Variants in LRP1B observed in about 807,000 individuals in gnomAD.
LRP1B encodes the protein low-density lipoprotein receptor-related protein 1B.
A neutral mutation model predicts 556.6 loss-of-function variants in LRP1B; 217 were observed. That is an observed-to-expected ratio of 0.39 (90% CI 0.35 to 0.44). LRP1B has a LOEUF of 0.44. LRP1B is among the 20% of genes least tolerant of loss of function. LRP1B has a pLI of 1.00. For missense variants in LRP1B, 5,053 were observed against 5,620.8 expected (o/e 0.90, Z 3.23); for synonymous variants, 2,047 against 1,865.8 (o/e 1.10, Z -2.50).
At chr2:141,750,345 G>T (rs1339088139) in intron 2 of LRP1B, among the ~76,000 whole-genome samples, 4 of 152,034 alleles carry the variant, frequency 2.6e-5, no homozygotes, top group Non-Finnish European at 5.9e-5. Flanking sequence ...TAAGTTTCAG[G>T]TGACATCAGC....
intron 9 of LRP1B, among the ~76,000 whole-genome samples, 189 bp downstream of exon 9, chr2:141,058,694 G>T (rs1167798057): frequency 6.6e-6 from 1 of 151,788 alleles, no homozygotes; most frequent in Non-Finnish European, 1.5e-5. Context: ...CGATTCACTA[G>T]AAACTGAACA....
chr2:140,338,367 CTG>C (rs910623388), intron 77 of LRP1B, among the ~76,000 whole-genome samples: 6 of 151,572 alleles, frequency 4.0e-5, no homozygotes, highest in Non-Finnish European at 8.8e-5. Flanking sequence ...ATTTTCAACA[CTG>C]AAGAGAGAAT....
At chr2:141,082,442 T>G (rs1464206463) in intron 7 of LRP1B, among the ~76,000 whole-genome samples, 5 of 152,236 alleles carry the variant, frequency 3.3e-5, no homozygotes, top group Non-Finnish European at 1.5e-5. Flanking sequence ...ACCTGGTTTG[T>G]GAAGACTATG....
At chr2:141,796,774 T>C (rs1695827090) in intron 2 of LRP1B, among the ~76,000 whole-genome samples, 3 of 151,924 alleles carry the variant, frequency 2.0e-5, no homozygotes, top group Admixed American at 2.0e-4. Flanking sequence ...TTTCTTTCAC[T>C]ACCATCAAAG....
intron 86 of LRP1B, among the ~76,000 whole-genome samples, chr2:140,264,132 G>A (rs116330458): frequency 6.6e-6 from 1 of 152,110 alleles, no homozygotes; most frequent in African/African-American, 2.4e-5. Flanking sequence ...CAATGTGTCT[G>A]ATACTTCCCT....
intron 2 of LRP1B, among the ~76,000 whole-genome samples, chr2:141,701,920 C>A (rs947321483): frequency 1.3e-5 from 2 of 151,776 alleles, no homozygotes; most frequent in African/African-American, 4.8e-5. Flanking sequence ...ATGTGATTGT[C>A]CCAATCCTCT....
At chr2:141,592,674 A>G (rs956966558) in intron 2 of LRP1B, among the ~76,000 whole-genome samples, 1 of 152,166 alleles carries the variant, frequency 6.6e-6, no homozygotes, top group Non-Finnish European at 1.5e-5. Context: ...TGTGGAGAAA[A>G]GACTCATTAA....
chr2:141,517,267 C>CACACACACACACATACACACACACACAT (rs1212273295), intron 2 of LRP1B, among the ~76,000 whole-genome samples: 1 of 151,142 alleles, frequency 6.6e-6, no homozygotes, highest in Non-Finnish European at 1.5e-5. Flanking sequence ...AATACGCACA[C>CACACACACACACATACACACACACACAT]ACACAGACAC....
rs1021425995 is a variant in LRP1B at position 140,231,507 on chromosome 2, A to C, written c.*1679T>G. The C allele has an allele frequency of 1.3e-5, 2 of 151,806 alleles. No homozygotes were observed. Among genetic ancestry groups the C allele is most frequent in the African/African-American group, 4.8e-5 (2 of 41,344 alleles). The allele number at this position is 151,806 out of a possible 1,614,324, so 9.4% of individuals were successfully genotyped here. ...CACTTCATTGTAGAAACATAGGCAA[A>C]ATGACTATATTATAACCAAAATGAA... On this transcript the variant is annotated 3_prime_UTR_variant, in exon 91 of 91. Coordinates refer to ENST00000389484, the MANE Select transcript of LRP1B (RefSeq NM_018557.3).
intron 2 of LRP1B, among the ~76,000 whole-genome samples, chr2:141,678,416 T>C (rs1181030014): frequency 2.0e-5 from 3 of 152,138 alleles, no homozygotes; most frequent in Non-Finnish European, 4.4e-5. Context: ...AAAAAAAATG[T>C]ATGTTTTAAT....
rs769621000 is a variant in LRP1B at position 141,772,971 on chromosome 2, TC to T, written c.205+37307del. ...TCCTCCTCTTTTGTTAAAAGACATC[TC>T]TGATGTAAATGCCTTGAAAAGCAGC... On this transcript the variant is annotated intron_variant, in intron 2 of 90. Transcript: ENST00000389484. 9.3e-4 allele frequency among the ~76,000 whole-genome samples: 142 copies of T among 152,182 alleles called. 1 individual carries two copies. Among genetic ancestry groups the T allele is most frequent in the Non-Finnish European group, 1.7e-3 (119 of 68,032 alleles).
chr2:140,598,892 C>G (rs1682547555), intron 42 of LRP1B, 57 bp from the exon 43 acceptor site: 4 of 1,148,946 alleles, frequency 3.5e-6, no homozygotes, highest in Non-Finnish European at 5.1e-6. Context: ...AGTAAAAATA[C>G]TAATAGAAAC....
intron 6 of LRP1B, among the ~76,000 whole-genome samples, chr2:141,208,796 G>A (rs1440386701): frequency 6.9e-6 from 1 of 144,988 alleles, no homozygotes; most frequent in East Asian, 2.1e-4. Flanking sequence ...GTGAACCTGG[G>A]AGGCGGAGCT....
intron 1 of LRP1B, among the ~76,000 whole-genome samples, chr2:141,946,697 G>A (rs1230453126): frequency 1.3e-5 from 2 of 152,122 alleles, no homozygotes; most frequent in African/African-American, 2.4e-5. Context: ...ACTCTCGAAA[G>A]TAAAAATTAA....
intron 41 of LRP1B, among the ~76,000 whole-genome samples, chr2:140,655,699 T>A (rs1355700421): frequency 6.6e-6 from 1 of 152,126 alleles, no homozygotes. Context: ...TCCCAGCACT[T>A]TGGGGGGCCG....
At chr2:140,676,456 C>T (rs1685674681) in intron 41 of LRP1B, among the ~76,000 whole-genome samples, 1 of 151,846 alleles carries the variant, frequency 6.6e-6, no homozygotes, top group Admixed American at 6.6e-5. Flanking sequence ...TTAAAATCAC[C>T]CCATTAATTA....
intron 9 of LRP1B, among the ~76,000 whole-genome samples, chr2:141,055,524 C>A (rs917589970): frequency 2.0e-5 from 3 of 151,852 alleles, no homozygotes; most frequent in Non-Finnish European, 2.9e-5. Context: ...AAACTCTTCA[C>A]CGGTGAGCAA....
chr2:140,969,600 T>G (rs1696345460), intron 18 of LRP1B, among the ~76,000 whole-genome samples: 1 of 152,220 alleles, frequency 6.6e-6, no homozygotes, highest in South Asian at 2.1e-4. Flanking sequence ...CGTCAGTTGA[T>G]GCAGTTTCTT....
intron 7 of LRP1B, among the ~76,000 whole-genome samples, chr2:141,148,806 G>A (rs577940862): frequency 2.6e-5 from 4 of 152,260 alleles, no homozygotes; most frequent in Admixed American, 1.3e-4. Context: ...CAAGGAGGCC[G>A]GGCATGGTGG....
Sources: gnomAD v4.1 joint callset for allele counts (sites outside exome capture counted in the v4.1 genomes callset) on GRCh38, gnomAD v4.1.1 for gene constraint, MANE v1.5 for transcripts, NCBI Gene and HGNC (gene_info 2026-07-23, HGNC 2026-07-21) for gene names.